DNAH2: variants seen among roughly 807,000 people sequenced by gnomAD.
The protein encoded by DNAH2 is dynein axonemal heavy chain 2, also known as axonemal beta dynein heavy chain 2.
In DNAH2, 323 loss-of-function variants were observed where a neutral mutation model predicts 523.5. The ratio of observed to expected loss-of-function variants is 0.62; its 90% CI spans 0.56 to 0.68. DNAH2 has a LOEUF of 0.68. DNAH2 is among the 30% of genes least tolerant of loss of function. DNAH2 has a pLI of 0.00. For missense variants in DNAH2, 4,907 were observed against 5,701.5 expected, an observed-to-expected ratio of 0.86 and a Z score of 4.49; for synonymous variants, 2,093 against 2,177.4, an observed-to-expected ratio of 0.96 and a Z score of 1.08.
intron 73 of DNAH2, among the ~76,000 whole-genome samples, chr17:7,822,999 C>CA (rs147026708): frequency 6.6e-6 from 1 of 152,022 alleles, no homozygotes; most frequent in East Asian, 1.9e-4. Flanking sequence ...CACTCTCATA[C>CA]AAAAGCCATT....
Position 7,833,240 on chromosome 17 carries a change from C to G in DNAH2, c.13129+19C>G. 6.2e-7 allele frequency: 1 copy of G among 1,606,682 alleles called. No homozygotes were observed. Among genetic ancestry groups the G allele is most frequent in the African/African-American group, 1.3e-5 (1 of 75,006 alleles). ...GCCAAGGGTGGGACAGCTCCCCAGG[C>G]AGGACCTGCCTGCCCCGTCCCTAGT... On this transcript the variant is annotated intron_variant, in intron 85 of 85. Coordinates refer to ENST00000572933, the MANE Select transcript of DNAH2 (RefSeq NM_020877.5).
Position 7,758,873 on chromosome 17 carries a change from G to A in DNAH2, c.2209-12G>A. 6.2e-7 allele frequency: 1 copy of A among 1,612,862 alleles called. No homozygotes were observed. Among genetic ancestry groups the A allele is most frequent in the South Asian group, 1.1e-5 (1 of 91,078 alleles). On this transcript the variant is annotated splice_polypyrimidine_tract_variant and intron_variant, in intron 14 of 85. Transcript: ENST00000572933. ...CGAGCTGAAACTCCCCCATGACGGG[G>A]CCTGACTCTAGGTGCAGATGATTGT... is the stretch of plus-strand genomic sequence containing the variant.
chr17:7,801,029 C>T (rs375097571), intron 56 of DNAH2, among the ~76,000 whole-genome samples: 5 of 151,484 alleles, frequency 3.3e-5, no homozygotes, highest in Non-Finnish European at 7.4e-5. Flanking sequence ...CATGCCACCA[C>T]GGCCAGCTAA....
In DNAH2 at chr17:7,760,712, G is replaced by C; in HGVS notation, c.2786-28G>C. On this transcript the variant is annotated intron_variant, in intron 17 of 85. Transcript: ENST00000572933. The surrounding 1 kb of genome is among the most constrained non-coding windows in gnomAD (Gnocchi z 4.0). ...AAGTTGGGTTGGGGTGGAAGTCAGT[G>C]AGAAGCATCTTTCTTGGTCCTTTGA... 4 of 1,598,326 alleles carry C rather than the reference G, an allele frequency of 2.5e-6. No homozygotes were observed. The highest frequency in any genetic ancestry group is 3.4e-6 in the Non-Finnish European group (4 of 1,170,224).
At chr17:7,792,581 C>T (rs747162337) in intron 46 of DNAH2, 76 bp from the exon 47 acceptor site, 30 of 1,279,872 alleles carry the variant, frequency 2.3e-5, no homozygotes, top group African/African-American at 1.9e-4. Flanking sequence ...ACAGTGGTGA[C>T]GTAGAGGGAA....
Position 7,758,914 on chromosome 17 carries a change from A to G in DNAH2, c.2238A>G (p.Ala746=). The G allele has an allele frequency of 2.5e-6, 4 of 1,614,192 alleles. No individual in the cohort carries two copies. The highest frequency in any genetic ancestry group is 3.4e-6 in the Non-Finnish European group (4 of 1,180,042). ...AGATGATTGTGAATGAGTTCAAGGCATCCACTCTGACCATTGGCTGGCGAG... is the reference window on the plus strand; with the variant it reads ...AGATGATTGTGAATGAGTTCAAGGCGTCCACTCTGACCATTGGCTGGCGAG... ...KVQMIVNEFK[A]STLTIGWRAQ... Residue 746 remains alanine, a synonymous_variant, in exon 15 of 86, where the codon GCA becomes GCG. Coordinates refer to ENST00000572933, the MANE Select transcript of DNAH2 (RefSeq NM_020877.5).
In DNAH2 at chr17:7,805,065, G is replaced by T. The variant is rs201843742; in HGVS notation, c.9291G>T (p.Glu3097Asp). The T allele has an allele frequency of 2.5e-5, 40 of 1,613,724 alleles. No homozygotes were observed. In the East Asian group the frequency reaches 8.7e-4, roughly 35 times the overall value. ...DLEEALPALE[E>D]AMRALESLNK... ...AAGAGGCACTGCCCGCCCTGGAAGA[G>T]GCCATGCGGGTACCAGGGGCGGGTG... Residue 3097 changes from glutamate to aspartate, a missense_variant, in exon 60 of 86, where the codon GAG (glutamate) becomes GAT (aspartate). Physicochemically the swap from Glu to Asp is conservative, Grantham distance 45. Transcript: ENST00000572933.
At position 7,831,883 on chromosome 17, in the gene DNAH2, C is replaced by A; in HGVS notation, c.12726+108C>A. On this transcript the variant is annotated intron_variant, in intron 82 of 85. Coordinates refer to ENST00000572933, the MANE Select transcript of DNAH2 (RefSeq NM_020877.5). The surrounding 1 kb of genome is among the most constrained non-coding windows in gnomAD (Gnocchi z 4.2). ...GGGCATAAAGCAAACTGCAGAGAGCCGAAACTTTGAAGTTAGATAGGTTCA... is the reference window on the plus strand; with the variant it reads ...GGGCATAAAGCAAACTGCAGAGAGCAGAAACTTTGAAGTTAGATAGGTTCA... 4.1e-6 allele frequency: 4 copies of A among 971,498 alleles called. No homozygotes were observed. Among genetic ancestry groups the A allele is most frequent in the Admixed American group, 2.8e-5 (1 of 36,224 alleles). The allele number at this position is 971,498 out of a possible 1,614,324, so 60.2% of individuals were successfully genotyped here.
At chr17:7,753,177 T>A (rs2075736953) in intron 12 of DNAH2, among the ~76,000 whole-genome samples, 2 of 152,202 alleles carry the variant, frequency 1.3e-5, no homozygotes, top group African/African-American at 4.8e-5. Context: ...CGAGGAAGGA[T>A]GCATGGTTCT....
chr17:7,796,045 ATTTTT>A (rs377411281), intron 49 of DNAH2, among the ~76,000 whole-genome samples: 2,231 of 107,704 alleles, frequency 0.021, 24 homozygotes, highest in Non-Finnish European at 0.031. Context: ...TGAGTTTAGG[ATTTTT>A]TTTTTTTTTT....
In DNAH2 at chr17:7,759,217, T is replaced by C. The variant is rs997709500; in HGVS notation, c.2448+93T>C. The C allele has an allele frequency of 7.1e-6, 11 of 1,550,276 alleles. No homozygotes were observed. In the African/African-American group the frequency reaches 1.4e-4, roughly 19 times the overall value. On this transcript the variant is annotated intron_variant, in intron 15 of 85. Transcript: ENST00000572933. ...CTCTTGCTCCCCGACCCTTTTTTCTTTTTTACCAGTGTGTACTTCTCAAAC... is the reference window on the plus strand; with the variant it reads ...CTCTTGCTCCCCGACCCTTTTTTCTCTTTTACCAGTGTGTACTTCTCAAAC...
intron 12 of DNAH2, among the ~76,000 whole-genome samples, chr17:7,753,145 G>C (rs1211448958): frequency 6.6e-6 from 1 of 152,258 alleles, no homozygotes; most frequent in Non-Finnish European, 1.5e-5. Flanking sequence ...ACAGAAGGAG[G>C]TTGGATGTCG....
intron 49 of DNAH2, among the ~76,000 whole-genome samples, chr17:7,794,757 T>A (rs1185459980): frequency 6.7e-6 from 1 of 150,004 alleles, no homozygotes; most frequent in Non-Finnish European, 1.5e-5. Context: ...ACTTCCTTTT[T>A]TTTTTTTTTT....
chr17:7,734,046 T>C, intron 5 of DNAH2, 137 bp from the exon 6 acceptor site: 1 of 693,446 alleles, frequency 1.4e-6, no homozygotes. Context: ...CAAAAAAGCA[T>C]GAGTCACCAT....
chr17:7,732,781 C>T (rs551223478), intron 4 of DNAH2, among the ~76,000 whole-genome samples: 1 of 152,264 alleles, frequency 6.6e-6, no homozygotes, highest in East Asian at 1.9e-4. Context: ...TTCTATCGAT[C>T]CGTTCATCCA....
intron 11 of DNAH2, among the ~76,000 whole-genome samples, chr17:7,741,295 T>TTTCTTTC (rs1567624898): frequency 1.8e-5 from 1 of 55,464 alleles, no homozygotes; most frequent in African/African-American, 8.4e-5. Flanking sequence ...TCTTTCTTTC[T>TTTCTTTC]TCCTTCCTTC....
rs1320288719 is a variant in DNAH2, at chr17:7,824,263, C to T, written c.11621C>T (p.Ala3874Val). The T allele has an allele frequency of 1.3e-6, 2 of 1,554,352 alleles. No homozygotes were observed. Among genetic ancestry groups the T allele is most frequent in the Admixed American group, 2.1e-5 (1 of 47,468 alleles). Residue 3874 changes from alanine (A) to valine (V), a missense_variant, in exon 76 of 86, where the codon GCC becomes GTC. By Grantham distance (64) the Ala-to-Val change is moderately conservative (BLOSUM62 0). Around this residue, in one of 3 missense-constraint regions of DNAH2, gnomAD observed 1,851 missense variants for 2,139.4 expected, o/e 0.87. Coordinates refer to ENST00000572933, the MANE Select transcript of DNAH2 (RefSeq NM_020877.5). ...GCCCTGTCCCTGGGCCAGGGCCAGGCCCCCATCGCTGCTCGGCTCCTCCGA... is the reference window on the plus strand; with the variant it reads ...GCCCTGTCCCTGGGCCAGGGCCAGGTCCCCATCGCTGCTCGGCTCCTCCGA... ...FHALSLGQGQAPIAARLLREG... is the reference protein window; with the variant it reads ...FHALSLGQGQVPIAARLLREG...
At chr17:7,824,847 C>T in intron 77 of DNAH2, 120 bp downstream of exon 77, 4 of 856,140 alleles carry the variant, frequency 4.7e-6, no homozygotes, top group Middle Eastern at 2.4e-4. Flanking sequence ...AAAAATTCCA[C>T]CTCATTCCTC....
At position 7,817,582 on chromosome 17, in the gene DNAH2, T is replaced by C; in HGVS notation, c.10042T>C (p.Cys3348Arg). The change falls in exon 66 of 86, where the codon TGC becomes CGC. Residue 3348 changes from cysteine (C) to arginine (R), a missense_variant. Cys to Arg is a radical substitution (Grantham distance 180). Coordinates refer to ENST00000572933, the MANE Select transcript of DNAH2 (RefSeq NM_020877.5). The part of the protein sequence containing the change: ...IGKIWELQVP[C>R]SPSFAIDNFL... ...CCAGATCTGGGAGCTTCAGGTTCCT[T>C]GCTCCCCTTCTTTCGCCATCGATAA... 2 of 1,614,158 alleles carry C rather than the reference T, an allele frequency of 1.2e-6. No homozygotes were observed. Among genetic ancestry groups the C allele is most frequent in the Non-Finnish European group, 8.5e-7 (1 of 1,180,006 alleles).
Sources: allele counts gnomAD v4.1 joint callset (sites outside exome capture counted in the v4.1 genomes callset), GRCh38; gene constraint gnomAD v4.1.1; regional missense constraint gnomAD v4.1.1; non-coding constraint Gnocchi (gnomAD v3.1); transcripts MANE v1.5; gene names NCBI Gene and HGNC (gene_info 2026-07-23, HGNC 2026-07-21).